The following STK33 variants were observed in gnomAD, a reference collection of about 807,000 sequenced individuals.
The protein encoded by STK33 is serine/threonine kinase 33.
STK33 carries 52 observed loss-of-function variants against 58.0 expected under a neutral mutation model. That is an observed-to-expected ratio of 0.90 (90% CI 0.72 to 1.13). STK33 has a LOEUF of 1.13. STK33 is among the 50% of genes most tolerant of loss of function. STK33 has a pLI of 0.00. For missense variants in STK33, 630 were observed against 604.2 expected (o/e 1.04, Z -0.45); for synonymous variants, 215 against 200.1 (o/e 1.07, Z -0.63).
intron 15 of STK33, among the ~76,000 whole-genome samples, chr11:8,410,040 C>T (rs1306899216): frequency 1.3e-5 from 2 of 152,046 alleles, no homozygotes; most frequent in African/African-American, 4.8e-5. Flanking sequence ...TATTGCAATG[C>T]TTCAATACTG....
chr11:8,372,490 G>A, the STK33 span, among the ~76,000 whole-genome samples: 1 of 152,218 alleles, frequency 6.6e-6, no homozygotes, highest in African/African-American at 2.4e-5. Context: ...AGTCTTTCAG[G>A]AAAACTCTCA....
At chr11:8,394,214 G>T (rs1385920410) in intron 15 of STK33, among the ~76,000 whole-genome samples, 1 of 152,160 alleles carries the variant, frequency 6.6e-6, no homozygotes, top group African/African-American at 2.4e-5. Flanking sequence ...TATGTTCAGT[G>T]ATAAGGTGAG....
At chr11:8,462,929 A>G (rs1174779208) in intron 7 of STK33, among the ~76,000 whole-genome samples, 1 of 152,202 alleles carries the variant, frequency 6.6e-6, no homozygotes, top group Non-Finnish European at 1.5e-5. Context: ...CAAGGGATAA[A>G]AAAGGTCCTA....
the STK33 span, among the ~76,000 whole-genome samples, chr11:8,370,744 G>C: frequency 1.5e-4 from 23 of 152,132 alleles, no homozygotes; most frequent in Non-Finnish European, 2.8e-4. Flanking sequence ...CCCCGGGCAA[G>C]AGTGTCACAC....
chr11:8,336,553 C>T, the STK33 span, among the ~76,000 whole-genome samples: 1 of 152,184 alleles, frequency 6.6e-6, no homozygotes, highest in Non-Finnish European at 1.5e-5. Flanking sequence ...GGTGAACAGC[C>T]GAGGTAAGGA....
chr11:8,439,773 G>A (rs946645657), intron 12 of STK33, among the ~76,000 whole-genome samples: 1 of 150,078 alleles, frequency 6.7e-6, no homozygotes, highest in African/African-American at 2.5e-5. Context: ...GACCTGCTCT[G>A]CTATGCCATG....
intron 14 of STK33, among the ~76,000 whole-genome samples, chr11:8,430,061 G>A (rs896197493): frequency 1.3e-5 from 2 of 152,158 alleles, no homozygotes; most frequent in Non-Finnish European, 2.9e-5. Context: ...AGCAATCATG[G>A]CACTTGAGTG....
At chr11:8,426,242 G>C (rs572417365) in intron 14 of STK33, among the ~76,000 whole-genome samples, 1 of 152,204 alleles carries the variant, frequency 6.6e-6, no homozygotes, top group Admixed American at 6.5e-5. Flanking sequence ...CAGCTCAGCA[G>C]CCTGGGCTCT....
Position 8,392,406 on chromosome 11 carries a change from G to C in STK33, c.*104C>G. ...ATGGCGGGGCTCTGTGGAGCTAAAA[G>C]GCTACAAGCTCAGCATAGGGCTGTC... On this transcript the variant is annotated 3_prime_UTR_variant, in exon 16 of 16. Transcript: ENST00000687296. 7.5e-7 allele frequency: 1 copy of C among 1,328,480 alleles called. No homozygotes were observed. Among genetic ancestry groups the C allele is most frequent in the Non-Finnish European group, 1.1e-6 (1 of 949,298 alleles). 82.3% of individuals were successfully genotyped at this position (1,328,480 alleles called of 1,614,324 possible). A position where few individuals can be genotyped will look rare whatever the true frequency, so the allele number is the denominator to read the frequency against.
At chr11:8,374,724 G>A in the STK33 span, among the ~76,000 whole-genome samples, 4 of 152,194 alleles carry the variant, frequency 2.6e-5, no homozygotes, top group Non-Finnish European at 5.9e-5. Flanking sequence ...TGGAGGAGGG[G>A]ACACAAACAT....
chr11:8,567,588 C>A (rs1204370459), intron 1 of STK33, among the ~76,000 whole-genome samples: 2 of 152,168 alleles, frequency 1.3e-5, no homozygotes, highest in East Asian at 3.8e-4. Context: ...AATATATGAG[C>A]TATGCCTATA....
the STK33 span, among the ~76,000 whole-genome samples, chr11:8,375,990 C>A: frequency 6.6e-6 from 1 of 152,194 alleles, no homozygotes; most frequent in Admixed American, 6.5e-5. Context: ...TTGGAGAATA[C>A]AGGCTAATCT....
chr11:8,371,650 TTTC>T, the STK33 span, among the ~76,000 whole-genome samples: 6 of 151,292 alleles, frequency 4.0e-5, no homozygotes, highest in Non-Finnish European at 5.9e-5. Flanking sequence ...CTTCCTTTCT[TTTC>T]TTTTCTTTCT....
chr11:8,421,113 G>A (rs113310333), intron 14 of STK33, among the ~76,000 whole-genome samples: 3 of 151,982 alleles, frequency 2.0e-5, no homozygotes, highest in Non-Finnish European at 2.9e-5. Flanking sequence ...TTTCCTTCTG[G>A]TGTTGTTTTA....
chr11:8,524,670 T>A (rs754983367), intron 1 of STK33, among the ~76,000 whole-genome samples: 1 of 152,092 alleles, frequency 6.6e-6, no homozygotes, highest in South Asian at 2.1e-4. Flanking sequence ...ACCATAAATA[T>A]GCCATATTTC....
chr11:8,586,500 T>C (rs1400493027), intron 1 of STK33, among the ~76,000 whole-genome samples: 1 of 152,082 alleles, frequency 6.6e-6, no homozygotes, highest in Non-Finnish European at 1.5e-5. Flanking sequence ...CCAATGTGTC[T>C]GTTATAGCAC....
At chr11:8,397,925 G>T (rs191865341) in intron 15 of STK33, among the ~76,000 whole-genome samples, 2 of 152,278 alleles carry the variant, frequency 1.3e-5, no homozygotes, top group African/African-American at 2.4e-5. Flanking sequence ...AGAATAAAAA[G>T]AAACGAACAA....
chr11:8,440,470 G>A (rs150474820), intron 12 of STK33, among the ~76,000 whole-genome samples: 1 of 152,238 alleles, frequency 6.6e-6, no homozygotes, highest in African/African-American at 2.4e-5. Context: ...GAAAACCAAA[G>A]CTGAAAGTTA....
intron 1 of STK33, among the ~76,000 whole-genome samples, chr11:8,569,966 GATAA>G (rs1014791991): frequency 1.3e-5 from 2 of 151,648 alleles, no homozygotes; most frequent in Admixed American, 6.6e-5. Context: ...TAAATAAATA[GATAA>G]ATAAAAGAAA....
Sources: allele counts gnomAD v4.1 joint callset (sites outside exome capture counted in the v4.1 genomes callset), GRCh38; gene constraint gnomAD v4.1.1; transcripts MANE v1.5; gene names NCBI Gene and HGNC (gene_info 2026-07-23, HGNC 2026-07-21).